SAMD5: variants seen among roughly 807,000 people sequenced by gnomAD.
The protein encoded by SAMD5 is sterile alpha motif domain containing 5.
In SAMD5, 13 loss-of-function variants were observed where a neutral mutation model predicts 11.3. That is an observed-to-expected ratio of 1.15 (90% CI 0.75 to 1.83). The LOEUF is 1.83. SAMD5 is among the 40% of genes most tolerant of loss of function. The probability of loss-of-function intolerance (pLI) is 0.00; values close to 1 mark genes in which losing one functional copy is unlikely to be tolerated. For synonymous variants in SAMD5, 129 were observed against 111.3 expected (o/e 1.16, Z -1.00); for missense variants, 255 against 239.1 (o/e 1.07, Z -0.44).
At chr6:147,843,761 T>C in the SAMD5 span, among the ~76,000 whole-genome samples, 1 of 152,164 alleles carries the variant, frequency 6.6e-6, no homozygotes, top group Non-Finnish European at 1.5e-5. Context: ...GTCTCTTTAA[T>C]AAATAGTGTT....
At chr6:147,906,248 G>A in the SAMD5 span, among the ~76,000 whole-genome samples, 9 of 151,884 alleles carry the variant, frequency 5.9e-5, no homozygotes, top group East Asian at 1.9e-4. Context: ...CTGCCTTTTG[G>A]TGACATTGGC....
chr6:147,645,868 C>T (rs1034421727), intron 1 of SAMD5, among the ~76,000 whole-genome samples: 3 of 152,154 alleles, frequency 2.0e-5, no homozygotes, highest in Non-Finnish European at 4.4e-5. Flanking sequence ...ACTTTGCCAT[C>T]TAATGAAATA....
the SAMD5 span, among the ~76,000 whole-genome samples, chr6:147,919,521 G>C: frequency 7.6e-3 from 1,151 of 152,258 alleles, 17 homozygotes; most frequent in African/African-American, 0.026. Flanking sequence ...CCTGAAACAT[G>C]GCAAAGATTC....
At chr6:147,812,946 G>C in the SAMD5 span, among the ~76,000 whole-genome samples, 1 of 152,056 alleles carries the variant, frequency 6.6e-6, no homozygotes, top group South Asian at 2.1e-4. Flanking sequence ...TAAAATGATT[G>C]GCTTCACACC....
intron 1 of SAMD5, among the ~76,000 whole-genome samples, chr6:147,634,228 G>A (rs139780299): frequency 8.6e-4 from 131 of 152,314 alleles, no homozygotes; most frequent in African/African-American, 2.2e-3. Context: ...TCTGCAGGCT[G>A]TACAGGAAGT....
In SAMD5 at chr6:147,676,471, G is replaced by C. The variant is rs1021022383; in HGVS notation, c.163-60846G>C. On this transcript the variant is annotated intron_variant, in intron 1 of 1. Coordinates refer to the SAMD5 transcript ENST00000566741. ...CATTATTTTTCTATCCTGGTTTATA[G>C]CACTTATTGGTAGAGTATGCTGTTA... is the stretch of plus-strand genomic sequence containing the variant. Among the ~76,000 whole-genome samples the C allele has an allele frequency of 2.0e-5, 3 of 152,224 alleles. No individual in the cohort carries two copies. In the South Asian group the frequency reaches 6.2e-4, roughly 32 times the overall value.
chr6:147,568,339 G>A lies in SAMD5; in HGVS notation c.*3883G>A. The A allele has an allele frequency of 2.0e-6, 2 of 985,166 alleles. No individual in the cohort carries two copies. Among genetic ancestry groups the A allele is most frequent in the Non-Finnish European group, 2.4e-6 (2 of 829,816 alleles). 61.0% of individuals were successfully genotyped at this position (985,166 alleles called of 1,614,324 possible). On this transcript the variant is annotated 3_prime_UTR_variant, in exon 2 of 2. Transcript: ENST00000367474. Reference sequence around the variant, plus strand: ...GTATTGTAACAGGTCTCTTGCACAGGGGGTTGAAAAATAAAAAAAGAAGTT... The same window carrying A: ...GTATTGTAACAGGTCTCTTGCACAGAGGGTTGAAAAATAAAAAAAGAAGTT...
chr6:147,509,280 C>A lies in SAMD5; in HGVS notation c.352C>A (p.Arg118Ser), dbSNP rs151171858. 1.9e-6 allele frequency: 3 copies of A among 1,563,418 alleles called. No individual in the cohort carries two copies. The highest frequency in any genetic ancestry group is 1.4e-5 in the African/African-American group (1 of 71,468). ...GDSRGHTTAP[R>S]SRELVSYPKL... The stretch of plus-strand genomic sequence containing the variant: ...CTCTCGCGGCCACACGACCGCCCCC[C>A]GCAGCAGGGAGCTGGTGAGCTACCC... Residue 118 changes from arginine to serine, a missense_variant, in exon 1 of 2, where the codon CGC becomes AGC. Coordinates refer to ENST00000367474, the MANE Select transcript of SAMD5 (RefSeq NM_001030060.3).
the SAMD5 span, among the ~76,000 whole-genome samples, chr6:147,838,682 A>T: frequency 3.5e-4 from 54 of 152,278 alleles, no homozygotes; most frequent in African/African-American, 1.3e-3. Flanking sequence ...TTGTGCTAAT[A>T]TCTGAGTTGA....
intron 1 of SAMD5, among the ~76,000 whole-genome samples, chr6:147,659,718 T>A (rs1322189853): frequency 1.3e-5 from 2 of 152,352 alleles, no homozygotes; most frequent in East Asian, 3.9e-4. Flanking sequence ...CTACATCAAA[T>A]AATTTCTTGG....
At chr6:147,834,700 A>G in the SAMD5 span, among the ~76,000 whole-genome samples, 2 of 152,222 alleles carry the variant, frequency 1.3e-5, no homozygotes, top group African/African-American at 4.8e-5. Flanking sequence ...GACTTAGACA[A>G]TACAGTTTGG....
chr6:147,726,142 A>T lies in SAMD5; in HGVS notation c.163-11175A>T, dbSNP rs552257167. Among the ~76,000 whole-genome samples, 13 of 152,350 alleles carry T rather than the reference A, an allele frequency of 8.5e-5. No individual in the cohort carries two copies. The South Asian group carries it at 2.5e-3, about 29-fold the overall frequency. ...TGCTAGAAACTGCAAGAAATAAAAG[A>T]GAATTTGGTTTCTGCTTCAATGAGG... On this transcript the variant is annotated intron_variant, in intron 1 of 1. Coordinates refer to the SAMD5 transcript ENST00000566741.
the SAMD5 span, among the ~76,000 whole-genome samples, chr6:147,777,445 C>G: frequency 9.8e-5 from 15 of 152,302 alleles, no homozygotes; most frequent in Non-Finnish European, 4.4e-5. Context: ...GGCCTCCACT[C>G]TCTCCTGGTT....
At chr6:147,932,268 G>A in the SAMD5 span, among the ~76,000 whole-genome samples, 1 of 152,102 alleles carries the variant, frequency 6.6e-6, no homozygotes, top group East Asian at 1.9e-4. Context: ...ACTTTTCAGA[G>A]AGCTGGGTCC....
the SAMD5 span, among the ~76,000 whole-genome samples, chr6:147,851,628 G>T: frequency 6.6e-6 from 1 of 152,010 alleles, no homozygotes; most frequent in East Asian, 1.9e-4. Context: ...TTATGACCAG[G>T]CTCCAGGTAA....
At chr6:147,878,312 T>C in the SAMD5 span, among the ~76,000 whole-genome samples, 1 of 151,864 alleles carries the variant, frequency 6.6e-6, no homozygotes, top group African/African-American at 2.4e-5. Context: ...GAGGGCTCTC[T>C]GGAGTCTCTT....
chr6:147,767,752 C>A, the SAMD5 span, among the ~76,000 whole-genome samples: 5 of 152,192 alleles, frequency 3.3e-5, no homozygotes, highest in Non-Finnish European at 5.9e-5. Context: ...GTTGTCTAAA[C>A]TACCCAGTTT....
chr6:147,803,435 C>T, the SAMD5 span, among the ~76,000 whole-genome samples: 1 of 152,188 alleles, frequency 6.6e-6, no homozygotes, highest in Admixed American at 6.5e-5. Context: ...TCAGTTCTTT[C>T]ATCTGTCTTC....
the SAMD5 span, among the ~76,000 whole-genome samples, chr6:147,833,343 C>T: frequency 6.6e-6 from 1 of 152,026 alleles, no homozygotes; most frequent in Non-Finnish European, 1.5e-5. Flanking sequence ...CAGAATTATT[C>T]CAAATTTGGG....
Sources: allele counts gnomAD v4.1 joint callset (sites outside exome capture counted in the v4.1 genomes callset), GRCh38; gene constraint gnomAD v4.1.1; transcripts MANE v1.5; gene names NCBI Gene and HGNC (gene_info 2026-07-23, HGNC 2026-07-21).